Variants in AKAP14 observed in about 807,000 individuals in gnomAD.
AKAP14 encodes the protein A-kinase anchoring protein 14, also known as A-kinase anchor protein 14.
Under a neutral mutation model 17.0 loss-of-function variants are expected in AKAP14, and 4 were observed. The ratio of observed to expected loss-of-function variants is 0.23; its 90% CI spans 0.12 to 0.54. The LOEUF is 0.54. AKAP14 is among the 20% of genes least tolerant of loss of function. The pLI, the probability that AKAP14 is intolerant of heterozygous loss-of-function variation, is 0.95. For synonymous variants in AKAP14, 42 were observed against 51.3 expected (o/e 0.82, Z 0.77); for missense variants, 129 against 150.9 (o/e 0.85, Z 0.76).
chrX:119,919,829 G>A (rs779921751), intron 5 of AKAP14, 82 bp from the exon 6 acceptor site: 22 of 1,046,333 alleles, frequency 2.1e-5, no homozygotes, highest in African/African-American at 3.7e-5. Flanking sequence ...CTGGGAGACA[G>A]AGCAAGAAGA....
intron 4 of AKAP14, among the ~76,000 whole-genome samples, chrX:119,904,394 G>A (rs1173943039): frequency 2.7e-5 from 3 of 112,651 alleles, no homozygotes; most frequent in East Asian, 2.8e-4. Flanking sequence ...TGACTTCTTC[G>A]TGTGGCAGCT....
Position 119,903,720 on chromosome X carries a change from A to G in AKAP14, c.261+134A>G, listed in dbSNP as rs2056581977. The stretch of plus-strand genomic sequence containing the variant: ...AGGGGGCTGACTAGAATAAGTAAAC[A>G]TCATCTCCATCTCAGTTCCAAAATC... On this transcript the variant is annotated intron_variant, in intron 4 of 6. Transcript: ENST00000371431. 3.7e-6 allele frequency: 4 copies of G among 1,076,063 alleles called. No individual in the cohort carries two copies. In the East Asian group the frequency reaches 9.9e-5, roughly 27 times the overall value. 88.7% of individuals were successfully genotyped at this position (1,076,063 alleles called of 1,213,427 possible). A position where few individuals can be genotyped will look rare whatever the true frequency, so the allele number is the denominator to read the frequency against.
At chrX:119,915,134 G>T (rs1472690839) in intron 5 of AKAP14, among the ~76,000 whole-genome samples, 1 of 111,019 alleles carries the variant, frequency 9.0e-6, no homozygotes, top group Non-Finnish European at 1.9e-5. Flanking sequence ...GTCTCTACTG[G>T]TAGTTTCCCT....
At chrX:119,898,282 C>T (rs1057411968) in intron 2 of AKAP14, among the ~76,000 whole-genome samples, 10 of 111,939 alleles carry the variant, frequency 8.9e-5, no homozygotes, top group Non-Finnish European at 1.1e-4. Flanking sequence ...GCTGTGATTG[C>T]GCCACTGTAC....
At chrX:119,904,409 T>C (rs1425305187) in intron 4 of AKAP14, among the ~76,000 whole-genome samples, 1 of 112,806 alleles carries the variant, frequency 8.9e-6, no homozygotes, top group Non-Finnish European at 1.9e-5. Flanking sequence ...GCAGCTTTGC[T>C]GAGAAGGCCC....
intron 2 of AKAP14, among the ~76,000 whole-genome samples, chrX:119,898,247 G>T (rs1040548330): frequency 8.9e-6 from 1 of 111,955 alleles, no homozygotes; most frequent in African/African-American, 3.2e-5. Context: ...GATCACTTGA[G>T]CCCAGGAAGT....
chrX:119,911,373 G>T (rs910794083), intron 4 of AKAP14, among the ~76,000 whole-genome samples: 10 of 108,284 alleles, frequency 9.2e-5, no homozygotes, highest in African/African-American at 3.3e-4. Flanking sequence ...AAAAAGAAAA[G>T]AAATTTTTTA....
intron 2 of AKAP14, among the ~76,000 whole-genome samples, chrX:119,896,805 CTTTTTTTCTTTTTT>C (rs2056530148): frequency 1.4e-5 from 1 of 70,770 alleles, no homozygotes; most frequent in African/African-American, 5.7e-5. Flanking sequence ...CTTTTCTTTT[CTTTTTTTCTTTTTT>C]TTTTTTTTTG....
chrX:119,896,704 G>A (rs1453605680), intron 2 of AKAP14, among the ~76,000 whole-genome samples: 1 of 111,924 alleles, frequency 8.9e-6, no homozygotes, highest in Non-Finnish European at 1.9e-5. Context: ...TCGTGTTGGA[G>A]GTCACAGATT....
intron 3 of AKAP14, 37 bp from the exon 4 acceptor site, chrX:119,903,458 A>G: frequency 8.3e-7 from 1 of 1,211,423 alleles, no homozygotes; most frequent in Non-Finnish European, 1.1e-6. Flanking sequence ...GCACCACACT[A>G]CCTGGCAACT....
At chrX:119,907,784 A>C (rs36100454) in intron 4 of AKAP14, among the ~76,000 whole-genome samples, 9,898 of 111,356 alleles carry the variant, frequency 0.089, 523 homozygotes, top group African/African-American at 0.2. Context: ...CACTGCACCC[A>C]GTCAGTTCTA....
chrX:119,897,316 C>T (rs1462521195), intron 2 of AKAP14, among the ~76,000 whole-genome samples: 13 of 109,254 alleles, frequency 1.2e-4, no homozygotes, highest in Non-Finnish European at 2.1e-4. Context: ...CCCGCCACCA[C>T]GGCTGGCTAA....
chrX:119,907,778 G>A (rs964313418), intron 4 of AKAP14, among the ~76,000 whole-genome samples: 1 of 111,672 alleles, frequency 9.0e-6, no homozygotes, highest in African/African-American at 3.2e-5. Context: ...GTGAGCCACT[G>A]CACCCAGTCA....
Position 119,907,084 on chromosome X carries a change from C to T in AKAP14, c.261+3498C>T, listed in dbSNP as rs2147832188. Among the ~76,000 whole-genome samples the T allele has an allele frequency of 1.8e-5, 2 of 111,049 alleles. 1 individual carries two copies. The highest frequency in any genetic ancestry group is 7.6e-4 in the South Asian group (2 of 2,628). ...ACTTTGCACAAATTGCCCAACCTCT[C>T]TCTGATTGAGCAGCAAAACAAAGTT... On this transcript the variant is annotated intron_variant, in intron 4 of 6. Coordinates refer to ENST00000371431, the MANE Select transcript of AKAP14 (RefSeq NM_178813.6).
At chrX:119,903,777 C>T in intron 4 of AKAP14, 191 bp downstream of exon 4, 1 of 753,584 alleles carries the variant, frequency 1.3e-6, no homozygotes, top group Non-Finnish European at 1.9e-6. Context: ...GTGAAATGCA[C>T]AATCACAATC....
At chrX:119,902,855 C>T (rs985999220) in intron 2 of AKAP14, among the ~76,000 whole-genome samples, 2 of 111,364 alleles carry the variant, frequency 1.8e-5, no homozygotes, top group East Asian at 5.7e-4. Context: ...CCACACCCGG[C>T]AAATTTTGCA....
chrX:119,908,701 A>G (rs992737902), intron 4 of AKAP14, among the ~76,000 whole-genome samples: 1 of 112,074 alleles, frequency 8.9e-6, no homozygotes, highest in African/African-American at 3.2e-5. Flanking sequence ...TAAGCCATCC[A>G]TGATCAAGTA....
chrX:119,912,711 GT>G (rs780762281), intron 4 of AKAP14, among the ~76,000 whole-genome samples: 1 of 111,166 alleles, frequency 9.0e-6, no homozygotes, highest in African/African-American at 3.3e-5. Context: ...TTTCAATAAT[GT>G]AGTTAACCTT....
At chrX:119,902,948 C>T (rs1373239038) in intron 2 of AKAP14, among the ~76,000 whole-genome samples, 2 of 112,247 alleles carry the variant, frequency 1.8e-5, no homozygotes, top group Non-Finnish European at 3.8e-5. Context: ...GCCTCGGGCT[C>T]TCAAAGGGCT....
Sources: gnomAD v4.1 joint callset for allele counts (sites outside exome capture counted in the v4.1 genomes callset) on GRCh38, gnomAD v4.1.1 for gene constraint, MANE v1.5 for transcripts, NCBI Gene and HGNC (gene_info 2026-07-23, HGNC 2026-07-21) for gene names.